ENPP2: variants seen among roughly 807,000 people sequenced by gnomAD.
ENPP2 encodes the protein ectonucleotide pyrophosphatase/phosphodiesterase 2, also known as autotaxin.
Under a neutral mutation model 120.2 loss-of-function variants are expected in ENPP2, and 51 were observed. The observed-to-expected ratio is 0.42, with a 90% confidence interval of 0.34 to 0.54. ENPP2 has a LOEUF of 0.54. ENPP2 is among the 20% of genes least tolerant of loss of function. The pLI, the probability that ENPP2 is intolerant of heterozygous loss-of-function variation, is 0.04. For missense variants in ENPP2, 920 were observed against 1,066.5 expected, an observed-to-expected ratio of 0.86 and a Z score of 1.91; for synonymous variants, 365 against 366.4, an observed-to-expected ratio of 1.00 and a Z score of 0.04.
At position 119,644,627 on chromosome 8, in the gene ENPP2, C is replaced by CAT. The variant is rs57596227; in HGVS notation, c.22-6101_22-6100insAT. On this transcript the variant is annotated intron_variant, in intron 1 of 25. Coordinates refer to the ENPP2 transcript ENST00000427067. ...ATATATATATATATATATATATATACACACACACACACACACACACATATA... is the reference window on the plus strand; with the variant it reads ...ATATATATATATATATATATATATACATACACACACACACACACACACATATA... Among the ~76,000 whole-genome samples the CAT allele has an allele frequency of 3.1e-4, 18 of 57,302 alleles. No individual in the cohort carries two copies. In the South Asian group the frequency reaches 3.2e-3, roughly 10 times the overall value. 37.6% of individuals were successfully genotyped at this position (57,302 alleles called of 152,430 possible).
intron 16 of ENPP2, 36 bp downstream of exon 16, chr8:119,583,926 A>G (rs1812928159): frequency 6.5e-7 from 1 of 1,541,424 alleles, no homozygotes; most frequent in Non-Finnish European, 9.0e-7. Flanking sequence ...AAGAACCACT[A>G]AAACACAATT....
At chr8:119,561,511 G>A (rs1182757906) in intron 24 of ENPP2, among the ~76,000 whole-genome samples, 1 of 152,070 alleles carries the variant, frequency 6.6e-6, no homozygotes, top group Non-Finnish European at 1.5e-5. Context: ...ATCAACCTTT[G>A]AGCACAAACT....
intron 23 of ENPP2, 65 bp from the exon 24 acceptor site, chr8:119,563,078 T>C (rs1281088451): frequency 1.4e-6 from 2 of 1,399,722 alleles, no homozygotes; most frequent in African/African-American, 2.8e-5. Context: ...CTTTTTTAAA[T>C]GGTGATCAAT....
At chr8:119,663,391 CT>C in intron 1 of ENPP2, among the ~76,000 whole-genome samples, 1 of 152,288 alleles carries the variant, frequency 6.6e-6, no homozygotes, top group East Asian at 1.9e-4. Flanking sequence ...AGGTACAATA[CT>C]TTTTTAGTAT....
chr8:119,608,054 A>G, intron 8 of ENPP2, 77 bp from the exon 9 acceptor site: 1 of 920,884 alleles, frequency 1.1e-6, no homozygotes, highest in South Asian at 1.5e-5. Flanking sequence ...AAAATACATT[A>G]GATCAGATAT....
At chr8:119,655,680 T>C (rs1205521516) in intron 1 of ENPP2, among the ~76,000 whole-genome samples, 1 of 152,208 alleles carries the variant, frequency 6.6e-6, no homozygotes, top group Non-Finnish European at 1.5e-5. Flanking sequence ...GTACAGAGAT[T>C]ATCTTACTGA....
At chr8:119,569,412 T>G in intron 20 of ENPP2, 42 bp from the exon 21 acceptor site, 1 of 1,604,948 alleles carries the variant, frequency 6.2e-7, no homozygotes, top group Non-Finnish European at 8.5e-7. Context: ...CGTGGCTCTG[T>G]TACGAACGGC....
intron 19 of ENPP2, chr8:119,571,897 C>A: frequency 3.5e-6 from 1 of 289,756 alleles, no homozygotes; most frequent in Non-Finnish European, 6.4e-6. Flanking sequence ...GAATACTTTG[C>A]AAGACCCTCC....
At chr8:119,625,500 C>T (rs180882177) in intron 3 of ENPP2, among the ~76,000 whole-genome samples, 42 of 152,312 alleles carry the variant, frequency 2.8e-4, no homozygotes, top group Admixed American at 2.5e-3. Flanking sequence ...ACAGTAATAA[C>T]TGTTTCTAAT....
chr8:119,652,336 T>TG (rs1817650674), intron 1 of ENPP2, among the ~76,000 whole-genome samples: 1 of 152,172 alleles, frequency 6.6e-6, no homozygotes, highest in Non-Finnish European at 1.5e-5. Flanking sequence ...CGTATGAATT[T>TG]GGGAAGGACA....
chr8:119,661,432 A>G (rs1302922406), intron 1 of ENPP2, among the ~76,000 whole-genome samples: 1 of 152,226 alleles, frequency 6.6e-6, no homozygotes, highest in Non-Finnish European at 1.5e-5. Flanking sequence ...ACTAATCATC[A>G]GGGAAATGCA....
intron 20 of ENPP2, 132 bp downstream of exon 20, chr8:119,570,573 C>A: frequency 9.0e-6 from 5 of 556,044 alleles, no homozygotes; most frequent in Non-Finnish European, 1.2e-5. Flanking sequence ...ACAATAAATC[C>A]AACATAGGAT....
chr8:119,557,926 G>A (rs1813598736), intron 24 of ENPP2, among the ~76,000 whole-genome samples: 2 of 152,150 alleles, frequency 1.3e-5, no homozygotes, highest in Admixed American at 6.5e-5. Flanking sequence ...CCAAATAAAC[G>A]AGACATGTGG....
At chr8:119,642,810 A>G (rs181528190), upstream of ENPP2, among the ~76,000 whole-genome samples, 50 of 152,302 alleles carry the variant, frequency 3.3e-4, no homozygotes, top group African/African-American at 1.2e-3. Flanking sequence ...CTATCTTTTC[A>G]TGAAATTATT....
chr8:119,600,126 T>C (rs559545878), intron 11 of ENPP2, among the ~76,000 whole-genome samples: 17 of 152,242 alleles, frequency 1.1e-4, no homozygotes, highest in African/African-American at 3.4e-4. Context: ...ATCTTGAATG[T>C]GGTGACAATT....
intron 12 of ENPP2, among the ~76,000 whole-genome samples, chr8:119,593,423 C>T (rs182140197): frequency 6.6e-6 from 1 of 152,252 alleles, no homozygotes; most frequent in East Asian, 1.9e-4. Context: ...AGATTATCAC[C>T]TGATATGTCA....
At chr8:119,623,776 C>T (rs115552473) in intron 3 of ENPP2, among the ~76,000 whole-genome samples, 4,452 of 152,000 alleles carry the variant, frequency 0.029, 202 homozygotes, top group African/African-American at 0.1. Context: ...CAGGTGCCTC[C>T]CCCCATGCCT....
chr8:119,558,472 A>G (rs1279189274), intron 24 of ENPP2, among the ~76,000 whole-genome samples: 1 of 152,016 alleles, frequency 6.6e-6, no homozygotes, highest in African/African-American at 2.4e-5. Context: ...AAGAAAGTGA[A>G]TCTCTGCCTC....
upstream of ENPP2, among the ~76,000 whole-genome samples, chr8:119,641,886 T>G (rs1400523884): frequency 6.6e-6 from 1 of 152,176 alleles, no homozygotes; most frequent in Non-Finnish European, 1.5e-5. Flanking sequence ...ATAATTGTGG[T>G]CTGGCAGGAA....
Sources: gnomAD v4.1 joint callset for allele counts (sites outside exome capture counted in the v4.1 genomes callset) on GRCh38, gnomAD v4.1.1 for gene constraint, MANE v1.5 for transcripts, NCBI Gene and HGNC (gene_info 2026-07-23, HGNC 2026-07-21) for gene names.